Variants in UBE2E2 observed in about 807,000 individuals in gnomAD.
UBE2E2 encodes ubiquitin-conjugating enzyme E2 E2.
UBE2E2 carries 6 observed loss-of-function variants against 24.7 expected under a neutral mutation model. The observed-to-expected ratio is 0.24, with a 90% CI of 0.13 to 0.48. The LOEUF is 0.48. Ranked by LOEUF, UBE2E2 falls within the 20% of genes least tolerant of loss-of-function variation. The pLI is 0.99. For missense variants in UBE2E2, 169 were observed against 245.0 expected (o/e 0.69, Z 2.07); for synonymous variants, 104 against 83.6 (o/e 1.24, Z -1.33).
At chr3:23,315,308 T>C (rs1694543052) in intron 3 of UBE2E2, among the ~76,000 whole-genome samples, 2 of 151,910 alleles carry the variant, frequency 1.3e-5, no homozygotes, top group South Asian at 4.1e-4. Flanking sequence ...GCTTCATTTT[T>C]TTTTTTTTTT....
intron 3 of UBE2E2, among the ~76,000 whole-genome samples, chr3:23,432,954 A>G (rs990519317): frequency 2.6e-5 from 4 of 151,962 alleles, no homozygotes; most frequent in African/African-American, 4.8e-5. Flanking sequence ...ATTCTTGATT[A>G]TGATGCAACT....
intron 3 of UBE2E2, among the ~76,000 whole-genome samples, chr3:23,402,572 T>C (rs1697252746): frequency 6.6e-6 from 1 of 152,206 alleles, no homozygotes; most frequent in African/African-American, 2.4e-5. Context: ...TTCAACCATC[T>C]TTGGTTTGGA....
chr3:23,529,154 G>T (rs1213137747), intron 4 of UBE2E2, among the ~76,000 whole-genome samples: 1 of 152,202 alleles, frequency 6.6e-6, no homozygotes, highest in South Asian at 2.1e-4. Context: ...AAGGGAGAAG[G>T]CAACTATGGC....
At chr3:23,225,914 C>G (rs1176759998) in intron 3 of UBE2E2, among the ~76,000 whole-genome samples, 1 of 151,524 alleles carries the variant, frequency 6.6e-6, no homozygotes, top group Admixed American at 6.6e-5. Flanking sequence ...GAGTCTTGCT[C>G]TGTTGCCCAG....
intron 1 of UBE2E2, among the ~76,000 whole-genome samples, chr3:23,208,058 G>T (rs1477720618): frequency 6.6e-6 from 1 of 151,830 alleles, no homozygotes; most frequent in Non-Finnish European, 1.5e-5. Flanking sequence ...TTTTGAGACA[G>T]GGTCTTGCTC....
chr3:23,545,107 C>T (rs1695489150), intron 5 of UBE2E2, among the ~76,000 whole-genome samples: 1 of 152,208 alleles, frequency 6.6e-6, no homozygotes, highest in South Asian at 2.1e-4. Flanking sequence ...TATACCGAGA[C>T]ATTCCATTGC....
chr3:23,215,192 G>T (rs1246866446), intron 2 of UBE2E2, among the ~76,000 whole-genome samples: 1 of 151,792 alleles, frequency 6.6e-6, no homozygotes, highest in African/African-American at 2.4e-5. Flanking sequence ...ACTTTTAGCT[G>T]GTTTATATTA....
In UBE2E2 at chr3:23,265,362, G is replaced by A. The variant is rs184608721; in HGVS notation, c.227+48050G>A. ...CTCACCCTCCCCACATGGTAGTGTG[G>A]TTTAGCTTAGAAAAAGTGACTGAAG... On this transcript the variant is annotated intron_variant, in intron 3 of 5. Transcript: ENST00000396703. Among the ~76,000 whole-genome samples, 1,508 of 152,206 alleles carry A rather than the reference G, an allele frequency of 9.9e-3. 20 individuals are homozygous for A. Among genetic ancestry groups the A allele is most frequent in the Admixed American group, 0.015 (233 of 15,270 alleles).
At chr3:23,478,010 A>C (rs992421446) in intron 3 of UBE2E2, among the ~76,000 whole-genome samples, 1 of 152,242 alleles carries the variant, frequency 6.6e-6, no homozygotes, top group African/African-American at 2.4e-5. Flanking sequence ...CTCCCCAGGC[A>C]TGTGGAACTG....
At chr3:23,522,126 TA>T (rs1435405423) in intron 4 of UBE2E2, among the ~76,000 whole-genome samples, 4 of 132,306 alleles carry the variant, frequency 3.0e-5, no homozygotes, top group African/African-American at 1.2e-4. Context: ...TATAACCAGC[TA>T]ATTTTTTTTT....
chr3:23,427,963 A>T (rs1209831459), intron 3 of UBE2E2, among the ~76,000 whole-genome samples: 2 of 152,256 alleles, frequency 1.3e-5, no homozygotes, highest in African/African-American at 4.8e-5. Flanking sequence ...TGATTTGGCT[A>T]TTAAATAGTT....
intron 3 of UBE2E2, among the ~76,000 whole-genome samples, chr3:23,448,383 T>C (rs997397208): frequency 6.6e-6 from 1 of 152,222 alleles, no homozygotes; most frequent in Non-Finnish European, 1.5e-5. Context: ...ACTGATAGTG[T>C]CAAAAATTTA....
At chr3:23,573,157 C>T (rs563622249) in intron 5 of UBE2E2, among the ~76,000 whole-genome samples, 1 of 152,064 alleles carries the variant, frequency 6.6e-6, no homozygotes, top group East Asian at 1.9e-4. Flanking sequence ...CAAATTATTC[C>T]GTTGAAAGAA....
At chr3:23,401,773 T>G (rs1697228069) in intron 3 of UBE2E2, among the ~76,000 whole-genome samples, 1 of 151,532 alleles carries the variant, frequency 6.6e-6, no homozygotes, top group Admixed American at 6.6e-5. Flanking sequence ...CTCTGCCTCC[T>G]GGGTTCAAGC....
At chr3:23,286,279 GT>G (rs1698613060) in intron 3 of UBE2E2, among the ~76,000 whole-genome samples, 1 of 152,024 alleles carries the variant, frequency 6.6e-6, no homozygotes, top group Non-Finnish European at 1.5e-5. Flanking sequence ...TTTCACCAAT[GT>G]TTTATTTTTC....
intron 4 of UBE2E2, among the ~76,000 whole-genome samples, chr3:23,516,492 G>C (rs1205039692): frequency 6.6e-6 from 1 of 152,088 alleles, no homozygotes; most frequent in Non-Finnish European, 1.5e-5. Flanking sequence ...AAAAAATCTT[G>C]TTCCTCCACT....
chr3:23,259,001 T>C (rs1425312784), intron 3 of UBE2E2, among the ~76,000 whole-genome samples: 1 of 152,132 alleles, frequency 6.6e-6, no homozygotes, highest in Non-Finnish European at 1.5e-5. Context: ...TAAGACTTTT[T>C]CTGAAACACA....
chr3:23,465,818 T>A (rs148857095), intron 3 of UBE2E2, among the ~76,000 whole-genome samples: 9 of 152,314 alleles, frequency 5.9e-5, no homozygotes, highest in Admixed American at 3.3e-4. Flanking sequence ...GAACAGTAGA[T>A]AGCAAAGGAA....
chr3:23,563,471 A>G (rs1271429559), intron 5 of UBE2E2, among the ~76,000 whole-genome samples: 1 of 152,108 alleles, frequency 6.6e-6, no homozygotes, highest in Non-Finnish European at 1.5e-5. Flanking sequence ...ACATTTGCTG[A>G]GGAGTGTTTT....
Sources: gnomAD v4.1 joint callset for allele counts (sites outside exome capture counted in the v4.1 genomes callset) on GRCh38, gnomAD v4.1.1 for gene constraint, MANE v1.5 for transcripts, NCBI Gene and HGNC (gene_info 2026-07-23, HGNC 2026-07-21) for gene names.